CCSER1: variants seen among roughly 807,000 people sequenced by gnomAD.
CCSER1 encodes coiled-coil serine rich protein 1.
Under a neutral mutation model 82.0 loss-of-function variants are expected in CCSER1, and 41 were observed. The ratio of observed to expected loss-of-function variants is 0.50; its 90% CI spans 0.39 to 0.65. CCSER1 has a LOEUF of 0.65. Ranked by LOEUF, CCSER1 falls within the 30% of genes least tolerant of loss-of-function variation. The pLI is 0.00. For synonymous variants in CCSER1, 414 were observed against 383.9 expected, an observed-to-expected ratio of 1.08 and a Z score of -0.92; for missense variants, 1,119 against 1,064.2, an observed-to-expected ratio of 1.05 and a Z score of -0.72.
At position 91,083,873 on chromosome 4, in the gene CCSER1, T is replaced by C. The variant is rs1723080228; in HGVS notation, c.2173-2077T>C. Among the ~76,000 whole-genome samples, 3 of 152,090 alleles carry C rather than the reference T, an allele frequency of 2.0e-5. No homozygotes were observed. The South Asian group carries it at 6.2e-4, about 32-fold the overall frequency. ...CAGTGATTTTGGTGACATTAACAAGTCATTTAATATATAATTTGAGTTCCA... is the reference window on the plus strand; with the variant it reads ...CAGTGATTTTGGTGACATTAACAAGCCATTTAATATATAATTTGAGTTCCA... On this transcript the variant is annotated intron_variant, in intron 9 of 10. Transcript: ENST00000509176.
At chr4:91,486,975 T>C (rs913278728) in intron 10 of CCSER1, among the ~76,000 whole-genome samples, 1 of 152,136 alleles carries the variant, frequency 6.6e-6, no homozygotes, top group Non-Finnish European at 1.5e-5. Context: ...AACTAACATA[T>C]AATGTGATTG....
At chr4:90,489,402 T>C (rs1767616544) in intron 5 of CCSER1, among the ~76,000 whole-genome samples, 2 of 152,142 alleles carry the variant, frequency 1.3e-5, no homozygotes. Flanking sequence ...AGGGAGTATA[T>C]AGGACTGGGG....
chr4:90,130,950 T>C (rs1411454503), intron 1 of CCSER1, among the ~76,000 whole-genome samples: 3 of 152,070 alleles, frequency 2.0e-5, no homozygotes, highest in African/African-American at 7.2e-5. Flanking sequence ...ATTGTTAATA[T>C]TTACACATTT....
chr4:90,911,800 T>C (rs1037483282), intron 8 of CCSER1, among the ~76,000 whole-genome samples: 1 of 152,102 alleles, frequency 6.6e-6, no homozygotes, highest in African/African-American at 2.4e-5. Flanking sequence ...GCTTTTCCGA[T>C]GGTCTTAGCA....
chr4:90,290,456 A>C (rs1346532903), intron 1 of CCSER1, among the ~76,000 whole-genome samples: 1 of 151,800 alleles, frequency 6.6e-6, no homozygotes, highest in African/African-American at 2.4e-5. Flanking sequence ...TGTTTGTTGT[A>C]TGATATTCTT....
intron 10 of CCSER1, among the ~76,000 whole-genome samples, chr4:91,137,713 G>T (rs945019771): frequency 8.6e-5 from 13 of 151,814 alleles, no homozygotes; most frequent in Non-Finnish European, 1.5e-4. Context: ...TCTAACTGGT[G>T]TGAGATGATA....
At chr4:91,120,279 T>C (rs1044344991) in intron 10 of CCSER1, among the ~76,000 whole-genome samples, 1 of 151,964 alleles carries the variant, frequency 6.6e-6, no homozygotes, top group Admixed American at 6.6e-5. Flanking sequence ...TGGAGCAAAG[T>C]GTGGCTGTGG....
At chr4:90,428,391 A>G (rs2153565096) in intron 4 of CCSER1, among the ~76,000 whole-genome samples, 1 of 151,998 alleles carries the variant, frequency 6.6e-6, no homozygotes, top group East Asian at 1.9e-4. Flanking sequence ...CTAGAAATCC[A>G]TGTATAACTT....
intron 9 of CCSER1, among the ~76,000 whole-genome samples, chr4:90,940,348 T>C (rs1408029556): frequency 6.6e-6 from 1 of 151,974 alleles, no homozygotes; most frequent in African/African-American, 2.4e-5. Context: ...CCTTTTATTC[T>C]TTCCTTGTAA....
chr4:90,384,364 A>G (rs190909630), intron 3 of CCSER1, among the ~76,000 whole-genome samples: 303 of 146,630 alleles, frequency 2.1e-3, no homozygotes, highest in African/African-American at 6.9e-3. Context: ...AAGGACAAAA[A>G]ACAAATCACC....
chr4:90,289,716 A>G (rs1382457154), intron 1 of CCSER1, among the ~76,000 whole-genome samples: 1 of 151,936 alleles, frequency 6.6e-6, no homozygotes, highest in Non-Finnish European at 1.5e-5. Context: ...TTGATGTCTT[A>G]AACTCTTGAC....
At chr4:91,523,150 A>G (rs930460256) in intron 10 of CCSER1, among the ~76,000 whole-genome samples, 1 of 151,088 alleles carries the variant, frequency 6.6e-6, no homozygotes, top group Non-Finnish European at 1.5e-5. Flanking sequence ...TTTGTCGTTT[A>G]GTTCTGTTTA....
chr4:91,201,763 T>C (rs1460103668), intron 10 of CCSER1, among the ~76,000 whole-genome samples: 2 of 152,002 alleles, frequency 1.3e-5, no homozygotes, highest in African/African-American at 2.4e-5. Context: ...CTGGTATAAG[T>C]GCTATGATGC....
chr4:90,355,927 G>T (rs772365765), intron 3 of CCSER1, among the ~76,000 whole-genome samples: 1 of 151,868 alleles, frequency 6.6e-6, no homozygotes, highest in African/African-American at 2.4e-5. Flanking sequence ...TTACTTTTAT[G>T]TTAGAAATAG....
chr4:90,210,980 T>C (rs1260648329), intron 1 of CCSER1, among the ~76,000 whole-genome samples: 1 of 152,210 alleles, frequency 6.6e-6, no homozygotes, highest in Non-Finnish European at 1.5e-5. Flanking sequence ...TTTATTTCAG[T>C]TGTCTTGAGT....
chr4:90,495,703 T>C (rs1393450032), intron 5 of CCSER1, among the ~76,000 whole-genome samples: 1 of 152,180 alleles, frequency 6.6e-6, no homozygotes, highest in Admixed American at 6.6e-5. Flanking sequence ...TTAGTGACAG[T>C]TCTGTGAATT....
intron 5 of CCSER1, among the ~76,000 whole-genome samples, chr4:90,482,497 T>C (rs1043226625): frequency 2.0e-5 from 3 of 152,246 alleles, no homozygotes; most frequent in African/African-American, 7.2e-5. Context: ...CTGCTTTCTC[T>C]TGTGGGCATT....
chr4:91,474,153 G>T (rs1445343084), intron 10 of CCSER1, among the ~76,000 whole-genome samples: 5 of 151,844 alleles, frequency 3.3e-5, no homozygotes, highest in Admixed American at 1.3e-4. Context: ...GTAAAACTGG[G>T]ATCAGAAGTT....
intron 10 of CCSER1, among the ~76,000 whole-genome samples, chr4:91,293,716 AT>A (rs201951729): frequency 1.4e-3 from 209 of 151,084 alleles, no homozygotes; most frequent in African/African-American, 4.7e-3. Context: ...ATCTATGGTG[AT>A]TTTTTTTTAA....
Sources: allele counts gnomAD v4.1 joint callset (sites outside exome capture counted in the v4.1 genomes callset), GRCh38; gene constraint gnomAD v4.1.1; transcripts MANE v1.5; gene names NCBI Gene and HGNC (gene_info 2026-07-23, HGNC 2026-07-21).